THSD4: variants seen among roughly 807,000 people sequenced by gnomAD.
THSD4 encodes thrombospondin type 1 domain containing 4.
THSD4 carries 69 observed loss-of-function variants against 119.0 expected under a neutral mutation model. The ratio of observed to expected loss-of-function variants is 0.58; its 90% CI spans 0.48 to 0.71. The LOEUF (loss-of-function observed/expected upper bound fraction) is 0.71, where lower values mean the gene tolerates loss of function less well. Ranked by LOEUF, THSD4 falls within the 30% of genes least tolerant of loss-of-function variation. The pLI, the probability that THSD4 is intolerant of heterozygous loss-of-function variation, is 0.00. For synonymous variants in THSD4, 524 were observed against 540.4 expected (o/e 0.97, Z 0.42); for missense variants, 1,393 against 1,391.1 (o/e 1.00, Z -0.02).
intron 1 of THSD4, among the ~76,000 whole-genome samples, chr15:71,122,652 C>A (rs1384582326): frequency 6.6e-6 from 1 of 152,204 alleles, no homozygotes; most frequent in Non-Finnish European, 1.5e-5. Context: ...TTTGTGTCAA[C>A]ATTTCCCACT....
chr15:71,453,169 A>G (rs1283437653), intron 7 of THSD4, among the ~76,000 whole-genome samples: 3 of 152,194 alleles, frequency 2.0e-5, no homozygotes, highest in African/African-American at 7.2e-5. Flanking sequence ...TCTGTGATTT[A>G]GCCACCCAAT....
intron 1 of THSD4, among the ~76,000 whole-genome samples, chr15:71,098,002 A>C (rs1187373118): frequency 6.6e-6 from 1 of 151,958 alleles, no homozygotes; most frequent in Non-Finnish European, 1.5e-5. Flanking sequence ...GGGACAATAC[A>C]CTTGCATTAC....
At chr15:71,319,638 C>A (rs138840699) in intron 6 of THSD4, among the ~76,000 whole-genome samples, 2,089 of 152,044 alleles carry the variant, frequency 0.014, 15 homozygotes, top group Middle Eastern at 0.024. Context: ...TTTCTTAATC[C>A]AGTCTATCAT....
intron 6 of THSD4, among the ~76,000 whole-genome samples, chr15:71,398,275 G>A (rs749599761): frequency 7.2e-5 from 11 of 152,148 alleles, no homozygotes; most frequent in Non-Finnish European, 1.6e-4. Flanking sequence ...AGGGCATTTG[G>A]GGAAGAGGTG....
chr15:71,361,453 C>A (rs1472018919), intron 6 of THSD4, among the ~76,000 whole-genome samples: 1 of 152,164 alleles, frequency 6.6e-6, no homozygotes, highest in Non-Finnish European at 1.5e-5. Flanking sequence ...AAGGTGTAAC[C>A]TAAAGCTATT....
At chr15:71,394,266 C>CT (rs58372446) in intron 6 of THSD4, among the ~76,000 whole-genome samples, 14,757 of 89,498 alleles carry the variant, frequency 0.16, 1,558 homozygotes, top group East Asian at 0.45. Flanking sequence ...ACACATTTGT[C>CT]TTTTTTTTTT....
chr15:71,428,958 T>C (rs1433170414), intron 7 of THSD4, among the ~76,000 whole-genome samples: 7 of 152,224 alleles, frequency 4.6e-5, no homozygotes, highest in African/African-American at 1.7e-4. Context: ...GAGAACATGC[T>C]CATTCATTTT....
intron 7 of THSD4, among the ~76,000 whole-genome samples, chr15:71,557,456 C>T (rs1249105613): frequency 6.6e-6 from 1 of 151,770 alleles, no homozygotes; most frequent in Non-Finnish European, 1.5e-5. Flanking sequence ...GGTTTACTTT[C>T]CTGTTTTGCT....
At chr15:71,173,553 T>TACACACAC (rs139875962) in intron 3 of THSD4, among the ~76,000 whole-genome samples, 2 of 117,696 alleles carry the variant, frequency 1.7e-5, no homozygotes, top group African/African-American at 5.5e-5. Flanking sequence ...AAAATAGACC[T>TACACACAC]ACACACACAC....
chr15:71,781,392 A>AC lies in THSD4; in HGVS notation c.*4019dup, dbSNP rs1455206966. ...CAAAGTGGGATGGAACCATGCAAAAACAAAACCCACAGACATGCAGGCTAC... is the reference window on the plus strand; with the variant it reads ...CAAAGTGGGATGGAACCATGCAAAAACCAAAACCCACAGACATGCAGGCTAC... On this transcript the variant is annotated 3_prime_UTR_variant, in exon 18 of 18. Coordinates refer to ENST00000261862, the MANE Select transcript of THSD4 (RefSeq NM_024817.3). The AC allele has an allele frequency of 1.3e-4, 20 of 152,962 alleles. No individual in the cohort carries two copies. The highest frequency in any genetic ancestry group is 4.8e-4 in the African/African-American group (20 of 41,582). The allele number at this position is 152,962 out of a possible 1,614,324, so 9.5% of individuals were successfully genotyped here.
intron 6 of THSD4, among the ~76,000 whole-genome samples, chr15:71,372,295 C>T (rs1322165126): frequency 6.6e-6 from 1 of 152,240 alleles, no homozygotes; most frequent in Admixed American, 6.5e-5. Context: ...AGTCATTCTC[C>T]ATCCAGCTTT....
intron 7 of THSD4, among the ~76,000 whole-genome samples, chr15:71,451,898 C>T (rs1019373707): frequency 5.3e-5 from 8 of 152,188 alleles, no homozygotes; most frequent in Admixed American, 2.6e-4. Flanking sequence ...AGCTGCACTT[C>T]GCATTGCCTG....
At chr15:71,634,168 CA>C (rs2050691329) in intron 7 of THSD4, among the ~76,000 whole-genome samples, 1 of 136,560 alleles carries the variant, frequency 7.3e-6, no homozygotes. Flanking sequence ...GCCTGGGCAA[CA>C]AGAGTGAAAC....
At chr15:71,299,499 G>A (rs149685840) in intron 6 of THSD4, among the ~76,000 whole-genome samples, 3 of 152,206 alleles carry the variant, frequency 2.0e-5, no homozygotes, top group African/African-American at 4.8e-5. Context: ...TATCTCACTT[G>A]TATGTGAAAT....
intron 7 of THSD4, among the ~76,000 whole-genome samples, chr15:71,458,339 G>A (rs1259067219): frequency 6.6e-6 from 1 of 152,076 alleles, no homozygotes; most frequent in Non-Finnish European, 1.5e-5. Context: ...TGGAGCCAAA[G>A]GTTCTATTTT....
chr15:71,765,040 C>T lies in THSD4; in HGVS notation c.2610C>T (p.Ser870=), dbSNP rs772064630. Residue 870 remains serine, a synonymous_variant, in exon 16 of 18, where the codon AGC becomes AGT. Transcript: ENST00000261862. ...TGCAGTGTTCCATCGAGTGTGGGAG[C>T]GGGACGCAACAGAGGGAGGTGATTT... ...SWSQCSIECG[S]GTQQREVICV... 33 of 1,613,708 alleles carry T rather than the reference C, an allele frequency of 2.0e-5. No homozygotes were observed. Among genetic ancestry groups the T allele is most frequent in the East Asian group, 6.7e-5 (3 of 44,882 alleles).
intron 14 of THSD4, 86 bp from the exon 15 acceptor site, chr15:71,757,816 C>A: frequency 6.5e-7 from 1 of 1,539,922 alleles, no homozygotes; most frequent in Non-Finnish European, 8.8e-7. Context: ...GAAAATGAAG[C>A]ATTCCATCCT....
At chr15:71,226,695 G>A (rs1329102333) in intron 4 of THSD4, among the ~76,000 whole-genome samples, 1 of 152,138 alleles carries the variant, frequency 6.6e-6, no homozygotes, top group African/African-American at 2.4e-5. Context: ...ACTTCACAAA[G>A]CCACATGCCG....
At chr15:71,671,200 A>G (rs2051520681) in intron 8 of THSD4, among the ~76,000 whole-genome samples, 1 of 152,054 alleles carries the variant, frequency 6.6e-6, no homozygotes, top group Non-Finnish European at 1.5e-5. Flanking sequence ...ATGGTATCTC[A>G]TTGTGGTTTT....
Sources: gnomAD v4.1 joint callset for allele counts (sites outside exome capture counted in the v4.1 genomes callset) on GRCh38, gnomAD v4.1.1 for gene constraint, MANE v1.5 for transcripts, NCBI Gene and HGNC (gene_info 2026-07-23, HGNC 2026-07-21) for gene names.